The following KCNIP4 variants were observed in gnomAD, a reference collection of about 807,000 sequenced individuals.
KCNIP4 encodes the protein potassium voltage-gated channel interacting protein 4.
In KCNIP4, 12 loss-of-function variants were observed where a neutral mutation model predicts 34.0. The ratio of observed to expected loss-of-function variants is 0.35; its 90% CI spans 0.23 to 0.57. The LOEUF (loss-of-function observed/expected upper bound fraction) is 0.57. KCNIP4 is among the 20% of genes least tolerant of loss of function. The probability of loss-of-function intolerance (pLI) is 0.83; values close to 1 mark genes in which losing one functional copy is unlikely to be tolerated. For synonymous variants in KCNIP4, 124 were observed against 102.2 expected (o/e 1.21, Z -1.29); for missense variants, 238 against 311.7 (o/e 0.76, Z 1.78).
At position 20,875,308 on chromosome 4, in the gene KCNIP4, C is replaced by T. The variant is rs138621958; in HGVS notation, c.163+7300G>A. 3.8e-3 allele frequency among the ~76,000 whole-genome samples: 579 copies of T among 152,300 alleles called. 5 individuals are homozygous for T. Among genetic ancestry groups the T allele is most frequent in the Admixed American group, 9.3e-3 (142 of 15,288 alleles). On this transcript the variant is annotated intron_variant, in intron 2 of 8. Transcript: ENST00000382152. ...GCTGTGTTCAATCTCTTCCCCTACT[C>T]CCATGCCTCTTGCTGATGATGTGAT...
intron 1 of KCNIP4, among the ~76,000 whole-genome samples, chr4:21,837,586 CAGAT>C (rs1280287698): frequency 4.3e-5 from 6 of 138,756 alleles, no homozygotes; most frequent in Admixed American, 7.2e-5. Context: ...AAGAAAGAGG[CAGAT>C]AGATAGAAAA....
chr4:21,224,289 G>T (rs1275775012), intron 1 of KCNIP4, among the ~76,000 whole-genome samples: 1 of 152,086 alleles, frequency 6.6e-6, no homozygotes, highest in East Asian at 1.9e-4. Flanking sequence ...GTGAGGGCCT[G>T]CTTCCTGTCT....
chr4:21,382,670 T>G (rs1468943274), intron 1 of KCNIP4, among the ~76,000 whole-genome samples: 4 of 152,202 alleles, frequency 2.6e-5, no homozygotes, highest in Admixed American at 2.6e-4. Context: ...ATCTGGTTAA[T>G]AAAGATGCCT....
chr4:21,554,905 A>T (rs1170206714), intron 1 of KCNIP4, among the ~76,000 whole-genome samples: 1 of 152,200 alleles, frequency 6.6e-6, no homozygotes, highest in African/African-American at 2.4e-5. Flanking sequence ...TGTTAAATGA[A>T]TGAGTGAATC....
At chr4:20,738,927 A>C (rs904462899) in intron 5 of KCNIP4, among the ~76,000 whole-genome samples, 8 of 152,228 alleles carry the variant, frequency 5.3e-5, no homozygotes, top group African/African-American at 1.9e-4. Context: ...CAAACGGCAC[A>C]CCAGGAGATT....
intron 1 of KCNIP4, among the ~76,000 whole-genome samples, chr4:21,483,515 C>A (rs1021366131): frequency 2.6e-5 from 4 of 151,946 alleles, no homozygotes; most frequent in Admixed American, 2.0e-4. Context: ...GTGGGCCGGG[C>A]GTGGTGGTGC....
At chr4:20,741,746 A>G (rs1008914218) in intron 5 of KCNIP4, among the ~76,000 whole-genome samples, 1 of 152,230 alleles carries the variant, frequency 6.6e-6, no homozygotes, top group African/African-American at 2.4e-5. Flanking sequence ...AGACAGAGAC[A>G]CAAAAAACCC....
intron 1 of KCNIP4, among the ~76,000 whole-genome samples, chr4:21,110,966 T>C (rs1560731655): frequency 6.6e-6 from 1 of 152,222 alleles, no homozygotes; most frequent in Non-Finnish European, 1.5e-5. Context: ...GTTTTAGGCT[T>C]CTTGGTTGTT....
chr4:21,434,771 GAA>G (rs59106181), intron 1 of KCNIP4, among the ~76,000 whole-genome samples: 4,096 of 128,656 alleles, frequency 0.032, 149 homozygotes, highest in East Asian at 0.15. Context: ...TCTGTGGGGG[GAA>G]AAAAAAAAAA....
chr4:21,566,475 C>A (rs760873732), intron 1 of KCNIP4, among the ~76,000 whole-genome samples: 4 of 152,070 alleles, frequency 2.6e-5, no homozygotes, highest in Non-Finnish European at 4.4e-5. Flanking sequence ...CCTCCCCCTT[C>A]GCTCTCTTCC....
intron 1 of KCNIP4, among the ~76,000 whole-genome samples, chr4:21,346,084 GATATTTAAGATATCTTAAA>G (rs1560311085): frequency 4.9e-5 from 6 of 122,506 alleles, no homozygotes; most frequent in African/African-American, 1.8e-4. Context: ...ATATATTTAA[GATATTTAAGATATCTTAAA>G]TATATATAAA....
intron 1 of KCNIP4, among the ~76,000 whole-genome samples, chr4:21,675,867 A>T (rs574236556): frequency 3.3e-5 from 5 of 152,330 alleles, no homozygotes; most frequent in African/African-American, 1.2e-4. Context: ...AGTGTCATGT[A>T]AAATCAGCTT....
At chr4:20,994,302 T>G (rs1737345560) in intron 1 of KCNIP4, among the ~76,000 whole-genome samples, 1 of 152,170 alleles carries the variant, frequency 6.6e-6, no homozygotes, top group Admixed American at 6.6e-5. Flanking sequence ...TAACATAAAC[T>G]GAAGCTCACG....
chr4:21,900,279 G>A (rs539956045), intron 1 of KCNIP4, among the ~76,000 whole-genome samples: 52 of 152,172 alleles, frequency 3.4e-4, no homozygotes, highest in African/African-American at 6.7e-4. Context: ...TAGAAAATTC[G>A]GAGGCACTTC....
intron 1 of KCNIP4, among the ~76,000 whole-genome samples, chr4:20,987,735 C>G (rs1736703903): frequency 6.6e-6 from 1 of 151,790 alleles, no homozygotes; most frequent in African/African-American, 2.4e-5. Flanking sequence ...CGCGGTGGCT[C>G]ATGCCTGTAA....
intron 2 of KCNIP4, among the ~76,000 whole-genome samples, chr4:20,877,891 C>A (rs1196534921): frequency 6.6e-6 from 1 of 151,972 alleles, no homozygotes; most frequent in Non-Finnish European, 1.5e-5. Flanking sequence ...CCTTTTCAGG[C>A]CACAGCTACC....
chr4:20,896,729 C>G (rs1156411950), intron 1 of KCNIP4, among the ~76,000 whole-genome samples: 1 of 152,140 alleles, frequency 6.6e-6, no homozygotes, highest in East Asian at 1.9e-4. Flanking sequence ...TTTATGCCAT[C>G]CAGTTTGTGG....
intron 1 of KCNIP4, among the ~76,000 whole-genome samples, chr4:21,415,811 AC>A (rs1407735974): frequency 6.6e-6 from 1 of 152,062 alleles, no homozygotes; most frequent in Non-Finnish European, 1.5e-5. Context: ...CAAAACAAAG[AC>A]CCTGGATGGA....
At chr4:21,501,884 A>G (rs1392256309) in intron 1 of KCNIP4, among the ~76,000 whole-genome samples, 1 of 144,192 alleles carries the variant, frequency 6.9e-6, no homozygotes, top group African/African-American at 2.5e-5. Context: ...TTTAAAAATA[A>G]TTCTCTCTCT....
Sources: gnomAD v4.1 joint callset for allele counts (sites outside exome capture counted in the v4.1 genomes callset) on GRCh38, gnomAD v4.1.1 for gene constraint, MANE v1.5 for transcripts, NCBI Gene and HGNC (gene_info 2026-07-23, HGNC 2026-07-21) for gene names.